Variants in ADD1 observed in about 807,000 individuals in gnomAD.
The protein encoded by ADD1 is adducin 1.
Under a neutral mutation model 80.5 loss-of-function variants are expected in ADD1, and 24 were observed. The ratio of observed to expected loss-of-function variants is 0.30; its 90% CI spans 0.22 to 0.42. The LOEUF is 0.42. Ranked by LOEUF, ADD1 falls within the 10% of genes least tolerant of loss-of-function variation. The probability of loss-of-function intolerance (pLI) is 1.00; values close to 1 mark genes in which losing one functional copy is unlikely to be tolerated. For synonymous variants in ADD1, 373 were observed against 393.8 expected (o/e 0.95, Z 0.63); for missense variants, 948 against 1,019.0 (o/e 0.93, Z 0.95).
chr4:2,904,490 A>G (rs1736709554), intron 9 of ADD1, among the ~76,000 whole-genome samples: 1 of 152,234 alleles, frequency 6.6e-6, no homozygotes, highest in Non-Finnish European at 1.5e-5. Context: ...AAGCCTTCTT[A>G]TGAAGACACT....
intron 1 of ADD1, among the ~76,000 whole-genome samples, chr4:2,852,422 G>A (rs901893272): frequency 5.4e-5 from 8 of 148,944 alleles, no homozygotes; most frequent in Non-Finnish European, 1.0e-4. Context: ...CGCCTCCCGG[G>A]TTCAAGCGAT....
chr4:2,899,450 A>G lies in ADD1; in HGVS notation c.1161+15A>G. On this transcript the variant is annotated intron_variant, in intron 9 of 15. Coordinates refer to ENST00000683351, the MANE Select transcript of ADD1 (RefSeq NM_001354761.2). The stretch of plus-strand genomic sequence containing the variant: ...TCGATAATCTGGTAAGAATGGTGCC[A>G]CCACTTGATGATAAACCTTTTGTTC... 4.3e-6 allele frequency: 7 copies of G among 1,614,110 alleles called. No individual in the cohort carries two copies. The highest frequency in any genetic ancestry group is 5.9e-6 in the Non-Finnish European group (7 of 1,179,952).
chr4:2,904,245 C>T (rs549326851), intron 9 of ADD1, among the ~76,000 whole-genome samples: 40 of 152,246 alleles, frequency 2.6e-4, no homozygotes, highest in South Asian at 1.9e-3. Context: ...ATAAGAGCAA[C>T]GGTAGCAGCA....
chr4:2,886,516 G>A (rs1933072265), intron 4 of ADD1, among the ~76,000 whole-genome samples: 1 of 152,240 alleles, frequency 6.6e-6, no homozygotes, highest in Non-Finnish European at 1.5e-5. Context: ...TTATTCCCCT[G>A]TAGCAGTTAC....
In ADD1 at chr4:2,911,551, G is replaced by T. The variant is rs188045980; in HGVS notation, c.1791+2120G>T. Reference sequence around the variant, plus strand: ...AACCTCCGCCTCCCGGGCTCAAGCAGTCCTCCCTCCTCCCATCTCAGCCTC... The same window carrying T: ...AACCTCCGCCTCCCGGGCTCAAGCATTCCTCCCTCCTCCCATCTCAGCCTC... On this transcript the variant is annotated intron_variant, in intron 13 of 15. Coordinates refer to ENST00000683351, the MANE Select transcript of ADD1 (RefSeq NM_001354761.2). Among the ~76,000 whole-genome samples the T allele has an allele frequency of 2.2e-3, 330 of 151,114 alleles. 1 individual carries two copies. The highest frequency in any genetic ancestry group is 7.5e-3 in the African/African-American group (309 of 41,132).
At chr4:2,880,463 C>CT (rs1167878841) in intron 2 of ADD1, among the ~76,000 whole-genome samples, 1,700 of 63,120 alleles carry the variant, frequency 0.027, 303 homozygotes, top group African/African-American at 0.044. Flanking sequence ...TTCTTTCTTT[C>CT]TTTTTTTTTT....
At chr4:2,893,530 T>A (rs1030774827) in intron 4 of ADD1, among the ~76,000 whole-genome samples, 2 of 151,992 alleles carry the variant, frequency 1.3e-5, no homozygotes, top group Non-Finnish European at 2.9e-5. Flanking sequence ...GGAGGATCAT[T>A]TGAGCCTGGG....
Position 2,908,505 on chromosome 4 carries a change from C to A in ADD1, c.1609-10C>A. ...GACTGTTGATGTGTGCCTCTCCTTC[C>A]CACCCTCAGATCCGAGAGCAGAATT... On this transcript the variant is annotated splice_polypyrimidine_tract_variant and intron_variant, in intron 11 of 15. Transcript: ENST00000683351. 1.2e-6 allele frequency: 2 copies of A among 1,613,282 alleles called. No homozygotes were observed. Among genetic ancestry groups the A allele is most frequent in the South Asian group, 2.2e-5 (2 of 91,042 alleles).
intron 2 of ADD1, among the ~76,000 whole-genome samples, chr4:2,881,314 G>C (rs1175890566): frequency 6.6e-6 from 1 of 151,844 alleles, no homozygotes; most frequent in Non-Finnish European, 1.5e-5. Context: ...CCTGACCTCA[G>C]GTGATCCACC....
Position 2,907,775 on chromosome 4 carries a change from C to T in ADD1, c.1539C>T (p.Thr513=). 6 of 1,614,112 alleles carry T rather than the reference C, an allele frequency of 3.7e-6. No individual in the cohort carries two copies. The highest frequency in any genetic ancestry group is 5.1e-6 in the Non-Finnish European group (6 of 1,180,016). ...AAGAGGATGGACATAGAACTTCCAC[C>T]TCTGCTGTCCCTAACCTGTTTGTTC... ...WTKEDGHRTS[T]SAVPNLFVPL... The change falls in exon 11 of 16, where the codon ACC becomes ACT. Residue 513 remains threonine, a synonymous_variant. Coordinates refer to ENST00000683351, the MANE Select transcript of ADD1 (RefSeq NM_001354761.2).
At chr4:2,856,055 T>TA (rs35673788) in intron 1 of ADD1, among the ~76,000 whole-genome samples, 9 of 139,844 alleles carry the variant, frequency 6.4e-5, no homozygotes, top group Non-Finnish European at 1.2e-4. Context: ...AGTTCTTTTT[T>TA]AAAAAAAAAA....
intron 13 of ADD1, among the ~76,000 whole-genome samples, chr4:2,912,206 G>A (rs1738192766): frequency 6.6e-6 from 1 of 152,238 alleles, no homozygotes; most frequent in African/African-American, 2.4e-5. Flanking sequence ...GGGAGGTGAG[G>A]GGAGTGGCAG....
chr4:2,877,625 A>G (rs544007664), intron 2 of ADD1, among the ~76,000 whole-genome samples: 12 of 151,984 alleles, frequency 7.9e-5, no homozygotes, highest in Non-Finnish European at 1.8e-4. Flanking sequence ...TGTTCTCAGG[A>G]GGGAAGGTTT....
intron 1 of ADD1, among the ~76,000 whole-genome samples, chr4:2,854,683 A>G (rs530204688): frequency 6.6e-6 from 1 of 152,270 alleles, no homozygotes; most frequent in East Asian, 1.9e-4. Context: ...TGATATTAAT[A>G]TAATTACTCC....
At chr4:2,908,841 A>G (rs1737506596) in intron 12 of ADD1, 4 of 555,618 alleles carry the variant, frequency 7.2e-6, no homozygotes, top group Non-Finnish European at 9.7e-6. Flanking sequence ...TAATGCATGC[A>G]TATGTGAGGG....
chr4:2,903,531 C>G (rs965149662), intron 9 of ADD1, among the ~76,000 whole-genome samples: 3 of 152,210 alleles, frequency 2.0e-5, no homozygotes, highest in African/African-American at 7.2e-5. Flanking sequence ...CTCTTCTAGA[C>G]TGGGGACAGA....
At chr4:2,895,503 G>C (rs1735040721) in intron 6 of ADD1, among the ~76,000 whole-genome samples, 2 of 152,234 alleles carry the variant, frequency 1.3e-5, no homozygotes, top group South Asian at 2.1e-4. Context: ...ACGAGCTGGG[G>C]AAAGGGAGAG....
intron 3 of ADD1, 84 bp from the exon 4 acceptor site, chr4:2,884,431 T>G: frequency 9.0e-7 from 1 of 1,115,744 alleles, no homozygotes. Flanking sequence ...CTTCAAGTGA[T>G]CCTCCTGCCT....
chr4:2,850,070 T>G (rs1261500556), intron 1 of ADD1, among the ~76,000 whole-genome samples: 2 of 152,148 alleles, frequency 1.3e-5, no homozygotes, highest in Non-Finnish European at 2.9e-5. Flanking sequence ...CAGATGTCCA[T>G]CAGCTAATGA....
Sources: gnomAD v4.1 joint callset for allele counts (sites outside exome capture counted in the v4.1 genomes callset) on GRCh38, gnomAD v4.1.1 for gene constraint, MANE v1.5 for transcripts, NCBI Gene and HGNC (gene_info 2026-07-23, HGNC 2026-07-21) for gene names.